The following MGAT4C variants were observed in gnomAD, a reference collection of about 807,000 sequenced individuals.
MGAT4C encodes the protein MGAT4 family member C.
A neutral mutation model predicts 40.1 loss-of-function variants in MGAT4C; 19 were observed. The ratio of observed to expected loss-of-function variants is 0.47; its 90% confidence interval spans 0.33 to 0.70. The LOEUF is 0.70. Among genes scored for constraint, MGAT4C ranks in the 30% least tolerant of loss-of-function variants. The pLI, the probability that MGAT4C is intolerant of heterozygous loss-of-function variation, is 0.02. For synonymous variants in MGAT4C, 181 were observed against 187.1 expected (o/e 0.97, Z 0.27); for missense variants, 491 against 563.2 (o/e 0.87, Z 1.30).
intron 2 of MGAT4C, among the ~76,000 whole-genome samples, chr12:86,528,186 A>C (rs1184728566): frequency 6.6e-6 from 1 of 152,138 alleles, no homozygotes; most frequent in East Asian, 1.9e-4. Context: ...TTTTAAAATG[A>C]AATAATTTAT....
intron 1 of MGAT4C, among the ~76,000 whole-genome samples, chr12:86,255,432 C>A (rs966998770): frequency 6.6e-6 from 1 of 152,030 alleles, no homozygotes; most frequent in African/African-American, 2.4e-5. Flanking sequence ...AGCAGTTCAA[C>A]AGCTCTAAAT....
At chr12:86,085,635 A>T (rs1871671017) in intron 1 of MGAT4C, among the ~76,000 whole-genome samples, 1 of 152,248 alleles carries the variant, frequency 6.6e-6, no homozygotes, top group African/African-American at 2.4e-5. Context: ...GTTTCAATGT[A>T]TCCATTTCAC....
At chr12:86,520,328 T>C (rs1203702488) in intron 2 of MGAT4C, among the ~76,000 whole-genome samples, 2 of 152,198 alleles carry the variant, frequency 1.3e-5, no homozygotes, top group East Asian at 1.9e-4. Flanking sequence ...GGTGTTCAGA[T>C]TTCTGTTCTT....
intron 2 of MGAT4C, among the ~76,000 whole-genome samples, chr12:86,667,149 G>A (rs1404470761): frequency 6.6e-6 from 1 of 152,066 alleles, no homozygotes; most frequent in East Asian, 1.9e-4. Flanking sequence ...AAATTTTGTT[G>A]CAAAATATAA....
At chr12:86,770,030 A>G (rs570107072) in intron 1 of MGAT4C, among the ~76,000 whole-genome samples, 1 of 152,058 alleles carries the variant, frequency 6.6e-6, no homozygotes, top group South Asian at 2.1e-4. Flanking sequence ...AAATAAAAAA[A>G]GAATGACATT....
chr12:86,830,401 T>C (rs1312250021), intron 1 of MGAT4C, among the ~76,000 whole-genome samples: 2 of 151,790 alleles, frequency 1.3e-5, no homozygotes, highest in Non-Finnish European at 2.9e-5. Context: ...TATGTATTGG[T>C]CTCTAAGTAT....
At chr12:86,719,862 G>A (rs2136642639) in intron 2 of MGAT4C, among the ~76,000 whole-genome samples, 1 of 152,184 alleles carries the variant, frequency 6.6e-6, no homozygotes. Context: ...GATGTTGTGG[G>A]GAAAGTCTTT....
intron 2 of MGAT4C, among the ~76,000 whole-genome samples, chr12:86,519,761 G>A (rs1958760408): frequency 6.6e-6 from 1 of 151,960 alleles, no homozygotes; most frequent in South Asian, 2.1e-4. Flanking sequence ...TATCTGCATT[G>A]TTTTCTTTTG....
chr12:86,583,052 C>T (rs1322412098), intron 2 of MGAT4C, among the ~76,000 whole-genome samples: 1 of 151,140 alleles, frequency 6.6e-6, no homozygotes, highest in Non-Finnish European at 1.5e-5. Context: ...ATTATATTGC[C>T]TCCGGCTTAC....
intron 1 of MGAT4C, among the ~76,000 whole-genome samples, chr12:86,218,368 T>C (rs1165580698): frequency 6.6e-6 from 1 of 152,180 alleles, no homozygotes; most frequent in Admixed American, 6.5e-5. Flanking sequence ...AATCAAATTC[T>C]AAAATATTTT....
intron 2 of MGAT4C, among the ~76,000 whole-genome samples, chr12:86,562,438 G>T (rs553582856): frequency 6.6e-6 from 1 of 152,120 alleles, no homozygotes; most frequent in African/African-American, 2.4e-5. Flanking sequence ...ATTCTGAGGA[G>T]GCTTTTTTTG....
chr12:86,573,342 T>C (rs576723831), intron 2 of MGAT4C, among the ~76,000 whole-genome samples: 1 of 152,018 alleles, frequency 6.6e-6, no homozygotes, highest in African/African-American at 2.4e-5. Context: ...CTGAAAGCTG[T>C]GTATTCCTCT....
chr12:86,838,130 T>C (rs1339176835), intron 1 of MGAT4C, among the ~76,000 whole-genome samples: 2 of 152,186 alleles, frequency 1.3e-5, no homozygotes, highest in Non-Finnish European at 2.9e-5. Flanking sequence ...CAAACAATTA[T>C]ATCTACATAA....
At chr12:86,238,401 T>C (rs2136036151) in intron 1 of MGAT4C, among the ~76,000 whole-genome samples, 1 of 152,176 alleles carries the variant, frequency 6.6e-6, no homozygotes, top group South Asian at 2.1e-4. Flanking sequence ...TCATCAAGTT[T>C]ACAAAATCAT....
chr12:86,670,825 G>A lies in MGAT4C; in HGVS notation c.-229+56384C>T, dbSNP rs138769765. Among the ~76,000 whole-genome samples the A allele has an allele frequency of 1.4e-3, 216 of 152,260 alleles. 4 individuals carry two copies. In the East Asian group the frequency reaches 0.034, roughly 24 times the overall value. ...AACCCTTTTCCCATTTTTCCAGAGT[G>A]CTCCCCAGTGGCACTTGCAGCTGCA... On this transcript the variant is annotated intron_variant, in intron 2 of 7. Coordinates refer to the MGAT4C transcript ENST00000548651.
In MGAT4C at chr12:86,456,286, T is replaced by TA. The variant is rs529541426; in HGVS notation, c.-228-21022dup. ...ACAGAGAAATAAGGATAAAATCTGA[T>TA]AAAAAAAATTTGGGCAGCGGAAGAG... On this transcript the variant is annotated intron_variant, in intron 2 of 7. Transcript: ENST00000548651. 4.4e-3 allele frequency among the ~76,000 whole-genome samples: 669 copies of TA among 152,048 alleles called. 3 individuals are homozygous for TA. The highest frequency in any genetic ancestry group is 0.016 in the African/African-American group (644 of 41,500).
rs528395305 is a variant in MGAT4C at position 86,244,697 on chromosome 12, C to T, written c.-57+11542G>A. On this transcript the variant is annotated intron_variant, in intron 1 of 4. Transcript: ENST00000611864. The stretch of plus-strand genomic sequence containing the variant: ...ACATTACAGGGAAAGTGAAAATGCT[C>T]TATGAGCACAAAAGAGGGACACCTC... Among the ~76,000 whole-genome samples, 237 of 152,220 alleles carry T rather than the reference C, an allele frequency of 1.6e-3. 1 individual carries two copies. The highest frequency in any genetic ancestry group is 5.3e-3 in the African/African-American group (222 of 41,520).
chr12:86,763,164 T>C (rs776061743), intron 1 of MGAT4C, among the ~76,000 whole-genome samples: 6 of 152,152 alleles, frequency 3.9e-5, no homozygotes, highest in African/African-American at 7.2e-5. Context: ...AAGAGAAAAA[T>C]GTTAAGTGTG....
chr12:86,774,472 A>T (rs913361762), intron 1 of MGAT4C, among the ~76,000 whole-genome samples: 1 of 150,200 alleles, frequency 6.7e-6, no homozygotes, highest in African/African-American at 2.5e-5. Context: ...GATGAAAGGA[A>T]ATCAGTTCAT....
Sources: allele counts gnomAD v4.1 joint callset (sites outside exome capture counted in the v4.1 genomes callset), GRCh38; gene constraint gnomAD v4.1.1; transcripts MANE v1.5; gene names NCBI Gene and HGNC (gene_info 2026-07-23, HGNC 2026-07-21).